Variants in ARHGAP42 observed in about 807,000 individuals in gnomAD.
ARHGAP42 encodes rho GTPase-activating protein 42.
ARHGAP42 carries 63 observed loss-of-function variants against 125.0 expected under a neutral mutation model. The ratio of observed to expected loss-of-function variants is 0.50; its 90% CI spans 0.41 to 0.62. ARHGAP42 has a LOEUF of 0.62. Ranked by LOEUF, ARHGAP42 falls within the 20% of genes least tolerant of loss-of-function variation. The pLI, the probability that ARHGAP42 is intolerant of heterozygous loss-of-function variation, is 0.00. For missense variants in ARHGAP42, 766 were observed against 1,024.2 expected (o/e 0.75, Z 3.44); for synonymous variants, 339 against 351.0 (o/e 0.97, Z 0.38).
intron 21 of ARHGAP42, among the ~76,000 whole-genome samples, chr11:100,978,429 C>G (rs1273760030): frequency 6.6e-6 from 1 of 152,118 alleles, no homozygotes; most frequent in African/African-American, 2.4e-5. Flanking sequence ...TCAATTAGAA[C>G]ATATCCTCTC....
At chr11:100,806,837 G>GTTTA (rs113368959) in intron 3 of ARHGAP42, among the ~76,000 whole-genome samples, 323 of 149,436 alleles carry the variant, frequency 2.2e-3, no homozygotes, top group East Asian at 0.021. Context: ...TTGTTTGTTT[G>GTTTA]TTTATTTATT....
intron 6 of ARHGAP42, among the ~76,000 whole-genome samples, chr11:100,932,831 G>A (rs1009854593): frequency 1.3e-5 from 2 of 152,086 alleles, no homozygotes; most frequent in African/African-American, 4.8e-5. Flanking sequence ...TTCTTCCAGG[G>A]TGGGATCTAT....
At chr11:100,849,165 AT>A (rs946678906) in intron 3 of ARHGAP42, among the ~76,000 whole-genome samples, 3 of 152,120 alleles carry the variant, frequency 2.0e-5, no homozygotes, top group African/African-American at 7.2e-5. Context: ...GAAAAGTGTA[AT>A]TTTTTTAATG....
At chr11:100,868,921 A>G (rs138331247) in intron 4 of ARHGAP42, among the ~76,000 whole-genome samples, 1 of 152,196 alleles carries the variant, frequency 6.6e-6, no homozygotes, top group East Asian at 1.9e-4. Flanking sequence ...TAAAATGTTA[A>G]TTGTTTTTAT....
chr11:100,723,517 C>CT (rs949547783), intron 1 of ARHGAP42, among the ~76,000 whole-genome samples: 12 of 151,168 alleles, frequency 7.9e-5, no homozygotes, highest in South Asian at 4.2e-4. Context: ...CTAAGTATTT[C>CT]TTTTTTTTTC....
At chr11:100,730,283 T>TA (rs1206118676) in intron 1 of ARHGAP42, among the ~76,000 whole-genome samples, 2 of 152,226 alleles carry the variant, frequency 1.3e-5, no homozygotes, top group African/African-American at 4.8e-5. Flanking sequence ...CATGGTTTTT[T>TA]ATCTTTCTAC....
At chr11:100,795,946 C>T (rs904106182) in intron 3 of ARHGAP42, among the ~76,000 whole-genome samples, 5 of 152,144 alleles carry the variant, frequency 3.3e-5, no homozygotes, top group African/African-American at 1.2e-4. Flanking sequence ...TTTAACTGAC[C>T]TCACTGTCCA....
At chr11:100,913,254 T>G (rs774947011) in intron 4 of ARHGAP42, among the ~76,000 whole-genome samples, 198 bp from the exon 5 acceptor site, 6 of 152,210 alleles carry the variant, frequency 3.9e-5, no homozygotes, top group Non-Finnish European at 8.8e-5. Flanking sequence ...ATGGAAAGCT[T>G]TTTTGAGAGC....
At chr11:100,708,715 C>T (rs946903743) in intron 1 of ARHGAP42, among the ~76,000 whole-genome samples, 3 of 152,026 alleles carry the variant, frequency 2.0e-5, no homozygotes, top group African/African-American at 7.2e-5. Context: ...TTCACATGCA[C>T]ACACTTAAAA....
chr11:100,883,207 G>A (rs1436415284), intron 4 of ARHGAP42, among the ~76,000 whole-genome samples: 1 of 152,068 alleles, frequency 6.6e-6, no homozygotes, highest in Admixed American at 6.6e-5. Flanking sequence ...AAGCTGGGTT[G>A]TAATTTATCT....
At position 100,760,036 on chromosome 11, in the gene ARHGAP42, C is replaced by T. The variant is rs146725183; in HGVS notation, c.155-10307C>T. ...TAGAAACTGGCAAGTTTTAAAGGTACGTTAATAGGACTGAAATTAACCACA... is the reference window on the plus strand; with the variant it reads ...TAGAAACTGGCAAGTTTTAAAGGTATGTTAATAGGACTGAAATTAACCACA... On this transcript the variant is annotated intron_variant, in intron 1 of 23. Coordinates refer to ENST00000298815, the MANE Select transcript of ARHGAP42 (RefSeq NM_152432.4). Among the ~76,000 whole-genome samples the T allele has an allele frequency of 3.9e-5, 6 of 152,206 alleles. No homozygotes were observed. The East Asian group carries it at 9.7e-4, about 25-fold the overall frequency.
intron 5 of ARHGAP42, among the ~76,000 whole-genome samples, chr11:100,914,528 A>G (rs892332701): frequency 6.6e-6 from 1 of 151,996 alleles, no homozygotes; most frequent in Non-Finnish European, 1.5e-5. Context: ...CAACAACAAC[A>G]ACAACAACAA....
intron 3 of ARHGAP42, among the ~76,000 whole-genome samples, chr11:100,805,083 T>C (rs1351250715): frequency 1.3e-5 from 2 of 152,232 alleles, no homozygotes; most frequent in African/African-American, 4.8e-5. Flanking sequence ...TTTCAACTAA[T>C]TTAATATGAA....
intron 3 of ARHGAP42, among the ~76,000 whole-genome samples, chr11:100,814,184 C>T (rs1325330094): frequency 6.6e-6 from 1 of 151,600 alleles, no homozygotes; most frequent in Non-Finnish European, 1.5e-5. Context: ...CAGTGCGAGA[C>T]TCCGTCTCTT....
chr11:100,822,369 A>C (rs1439571939), intron 3 of ARHGAP42, among the ~76,000 whole-genome samples: 1 of 151,994 alleles, frequency 6.6e-6, no homozygotes, highest in Non-Finnish European at 1.5e-5. Context: ...TCAGTGGTGG[A>C]TTATAGGGGT....
chr11:100,741,131 A>G (rs578191867), intron 1 of ARHGAP42, among the ~76,000 whole-genome samples: 25 of 152,262 alleles, frequency 1.6e-4, no homozygotes, highest in African/African-American at 6.0e-4. Context: ...CCTGGGTTCA[A>G]GCGATTCTCC....
intron 1 of ARHGAP42, among the ~76,000 whole-genome samples, chr11:100,709,231 C>T (rs1480178168): frequency 6.6e-6 from 1 of 151,926 alleles, no homozygotes; most frequent in Non-Finnish European, 1.5e-5. Flanking sequence ...GTAGAGACGG[C>T]GTTTCACCAT....
At chr11:100,969,272 GCTTT>G (rs1858177467) in intron 17 of ARHGAP42, among the ~76,000 whole-genome samples, 1 of 151,952 alleles carries the variant, frequency 6.6e-6, no homozygotes, top group Non-Finnish European at 1.5e-5. Flanking sequence ...TTCTCTTGAT[GCTTT>G]CAGAATTTTC....
At chr11:100,859,507 G>T in intron 3 of ARHGAP42, 47 bp from the exon 4 acceptor site, 1 of 1,454,236 alleles carries the variant, frequency 6.9e-7, no homozygotes, top group African/African-American at 1.4e-5. Context: ...CAATGTTGTT[G>T]GCATGAAATT....
Sources: gnomAD v4.1 joint callset for allele counts (sites outside exome capture counted in the v4.1 genomes callset) on GRCh38, gnomAD v4.1.1 for gene constraint, MANE v1.5 for transcripts, NCBI Gene and HGNC (gene_info 2026-07-23, HGNC 2026-07-21) for gene names.